ADAMTSL1: variants seen among roughly 807,000 people sequenced by gnomAD.
ADAMTSL1 encodes the protein ADAMTS like 1, also known as ADAMTS-like protein 1.
ADAMTSL1 carries 126 observed loss-of-function variants against 201.8 expected under a neutral mutation model. That is an observed-to-expected ratio of 0.62 (90% CI 0.54 to 0.72). The LOEUF (loss-of-function observed/expected upper bound fraction) is 0.72, where lower values mean the gene tolerates loss of function less well. ADAMTSL1 is among the 30% of genes least tolerant of loss of function. ADAMTSL1 has a pLI of 0.00. For missense variants in ADAMTSL1, 2,679 were observed against 2,277.8 expected (o/e 1.18, Z -3.59); for synonymous variants, 1,121 against 903.4 (o/e 1.24, Z -4.32).
intron 3 of ADAMTSL1, 68 bp from the exon 4 acceptor site, chr9:18,573,962 C>T: frequency 7.7e-7 from 1 of 1,293,856 alleles, no homozygotes; most frequent in Non-Finnish European, 1.1e-6. Flanking sequence ...GACCATATAG[C>T]TGCTCTGGTT....
chr9:17,907,421 C>A lies in ADAMTSL1; in HGVS notation c.87+499C>A, dbSNP rs536042110. 9.0e-4 allele frequency among the ~76,000 whole-genome samples: 137 copies of A among 152,306 alleles called. 2 individuals are homozygous for A. Among genetic ancestry groups the A allele is most frequent in the African/African-American group, 3.2e-3 (135 of 41,578 alleles). ...CTGTCACCCTAGGGCCGCCCGCAGCCGAGTGTCGGGGGCGCAGCGTTGTAA... is the reference window on the plus strand; with the variant it reads ...CTGTCACCCTAGGGCCGCCCGCAGCAGAGTGTCGGGGGCGCAGCGTTGTAA... On this transcript the variant is annotated intron_variant, in intron 1 of 29. Coordinates refer to the ADAMTSL1 transcript ENST00000680146.
chr9:18,311,467 C>G (rs1834154210), intron 2 of ADAMTSL1, among the ~76,000 whole-genome samples: 1 of 152,068 alleles, frequency 6.6e-6, no homozygotes, highest in Non-Finnish European at 1.5e-5. Context: ...ATCAAAGTTA[C>G]CAAGGGTAGT....
chr9:18,657,236 T>G (rs1425494898), intron 7 of ADAMTSL1, among the ~76,000 whole-genome samples: 1 of 152,236 alleles, frequency 6.6e-6, no homozygotes, highest in Non-Finnish European at 1.5e-5. Flanking sequence ...GTATCTTTTA[T>G]TTTCTGCAGT....
intron 2 of ADAMTSL1, among the ~76,000 whole-genome samples, chr9:18,400,601 A>G (rs977712487): frequency 6.6e-6 from 1 of 152,242 alleles, no homozygotes; most frequent in African/African-American, 2.4e-5. Context: ...TGTACATAGA[A>G]TACGTTTCGA....
chr9:18,567,320 G>A (rs1821974782), intron 3 of ADAMTSL1, among the ~76,000 whole-genome samples: 1 of 152,064 alleles, frequency 6.6e-6, no homozygotes, highest in Non-Finnish European at 1.5e-5. Flanking sequence ...CAGAAAAGTA[G>A]CCAGGTATGG....
intron 2 of ADAMTSL1, among the ~76,000 whole-genome samples, chr9:18,296,002 A>G (rs1476735763): frequency 1.3e-5 from 2 of 152,236 alleles, no homozygotes; most frequent in South Asian, 2.1e-4. Flanking sequence ...ATGATGCAAT[A>G]TAACATGAAA....
At chr9:18,836,171 GT>G (rs1396968253) in intron 23 of ADAMTSL1, among the ~76,000 whole-genome samples, 2 of 152,086 alleles carry the variant, frequency 1.3e-5, no homozygotes, top group African/African-American at 4.8e-5. Flanking sequence ...AGCATCTGTT[GT>G]TTTTTGATGC....
chr9:18,901,586 A>G (rs1335957158), intron 26 of ADAMTSL1, among the ~76,000 whole-genome samples: 4 of 152,234 alleles, frequency 2.6e-5, no homozygotes, highest in Admixed American at 2.0e-4. Flanking sequence ...ATTGATATCA[A>G]AATTCAAATT....
At chr9:18,547,765 AC>A (rs1244331880) in intron 3 of ADAMTSL1, among the ~76,000 whole-genome samples, 3 of 151,866 alleles carry the variant, frequency 2.0e-5, no homozygotes, top group Non-Finnish European at 4.4e-5. Flanking sequence ...ACCAAGCCAT[AC>A]TTTCCCTCTG....
intron 10 of ADAMTSL1, among the ~76,000 whole-genome samples, chr9:18,679,794 T>A (rs1830346236): frequency 6.6e-6 from 1 of 151,638 alleles, no homozygotes; most frequent in Admixed American, 6.6e-5. Flanking sequence ...CAAAGGAGAG[T>A]CTTTTGTTTA....
At chr9:18,059,944 A>G (rs1201822838) in intron 1 of ADAMTSL1, among the ~76,000 whole-genome samples, 1 of 152,102 alleles carries the variant, frequency 6.6e-6, no homozygotes, top group Non-Finnish European at 1.5e-5. Context: ...AAAAACTTCA[A>G]TTTTATTTGT....
rs943274168 is a variant in ADAMTSL1, at chr9:17,992,426, C to T, written c.87+85504C>T. On this transcript the variant is annotated intron_variant, in intron 1 of 29. Coordinates refer to the ADAMTSL1 transcript ENST00000680146. ...TTTTTTAAAATAATTTTTAAAATTT[C>T]GCCAGTGATGGTTTTGAAGGTTTTG... Among the ~76,000 whole-genome samples the T allele has an allele frequency of 1.1e-4, 17 of 152,248 alleles. No individual in the cohort carries two copies. In the South Asian group the frequency reaches 3.3e-3, roughly 30 times the overall value.
intron 2 of ADAMTSL1, among the ~76,000 whole-genome samples, chr9:18,530,344 A>C (rs1199074601): frequency 1.3e-5 from 2 of 152,160 alleles, no homozygotes; most frequent in Admixed American, 6.5e-5. Context: ...TTAGGTAAAA[A>C]ATTTTTAAAA....
rs140369401 is a variant in ADAMTSL1, at chr9:18,007,779, T to C, written c.87+100857T>C. On this transcript the variant is annotated intron_variant, in intron 1 of 29. Coordinates refer to the ADAMTSL1 transcript ENST00000680146. The stretch of plus-strand genomic sequence containing the variant: ...GTTGACACACTCATTCATACTTACA[T>C]CCAAAAGAATTAAAAAAAAAATTTC... 5.3e-5 allele frequency among the ~76,000 whole-genome samples: 8 copies of C among 151,854 alleles called. No homozygotes were observed. In the East Asian group the frequency reaches 1.4e-3, roughly 26 times the overall value.
At chr9:18,721,068 G>A (rs1010518150) in intron 14 of ADAMTSL1, among the ~76,000 whole-genome samples, 3 of 152,182 alleles carry the variant, frequency 2.0e-5, no homozygotes, top group East Asian at 3.9e-4. Context: ...AAGACCTCAA[G>A]AGCCCAGCAG....
intron 2 of ADAMTSL1, among the ~76,000 whole-genome samples, chr9:18,413,808 A>C (rs2133326648): frequency 6.6e-6 from 1 of 152,324 alleles, no homozygotes; most frequent in Admixed American, 6.5e-5. Context: ...GCTTTCCATC[A>C]TGGCAGAATT....
chr9:18,030,604 C>T (rs939110184), intron 1 of ADAMTSL1, among the ~76,000 whole-genome samples: 4 of 151,888 alleles, frequency 2.6e-5, no homozygotes, highest in Non-Finnish European at 2.9e-5. Flanking sequence ...TTGAAAAAGT[C>T]GGATGACTTA....
intron 3 of ADAMTSL1, among the ~76,000 whole-genome samples, chr9:18,541,402 C>T (rs572910708): frequency 2.0e-5 from 3 of 151,708 alleles, no homozygotes; most frequent in African/African-American, 4.8e-5. Flanking sequence ...CCCAGCTACT[C>T]GGGAGGCTGA....
intron 5 of ADAMTSL1, among the ~76,000 whole-genome samples, chr9:18,630,538 G>A (rs968785573): frequency 1.2e-4 from 19 of 152,042 alleles, no homozygotes; most frequent in Admixed American, 3.3e-4. Flanking sequence ...TCAATTCAGG[G>A]AATCTACTGA....
Sources: gnomAD v4.1 joint callset for allele counts (sites outside exome capture counted in the v4.1 genomes callset) on GRCh38, gnomAD v4.1.1 for gene constraint, MANE v1.5 for transcripts, NCBI Gene and HGNC (gene_info 2026-07-23, HGNC 2026-07-21) for gene names.